ARID1B: variants seen among roughly 807,000 people sequenced by gnomAD.
The protein encoded by ARID1B is AT-rich interactive domain-containing protein 1B.
In ARID1B, 30 loss-of-function variants were observed where a neutral mutation model predicts 212.3. The observed-to-expected ratio is 0.14, with a 90% CI of 0.11 to 0.19. ARID1B has a LOEUF of 0.19. Among genes scored for constraint, ARID1B ranks in the 10% least tolerant of loss-of-function variants. The pLI is 1.00. For missense variants in ARID1B, 2,891 were observed against 3,204.0 expected (o/e 0.90, Z 2.36); for synonymous variants, 1,402 against 1,301.7 (o/e 1.08, Z -1.66).
At chr6:156,879,125 A>G (rs1786831247) in intron 2 of ARID1B, among the ~76,000 whole-genome samples, 1 of 152,230 alleles carries the variant, frequency 6.6e-6, no homozygotes, top group African/African-American at 2.4e-5. Flanking sequence ...GCAAGGGGCC[A>G]GGGAGGAGTG....
chr6:156,842,290 C>G (rs1469364659), intron 2 of ARID1B, among the ~76,000 whole-genome samples: 1 of 152,210 alleles, frequency 6.6e-6, no homozygotes, highest in Non-Finnish European at 1.5e-5. Context: ...CCTCTTCCCC[C>G]CAGGCAACTG....
At chr6:157,010,744 T>G (rs1447900087) in intron 4 of ARID1B, among the ~76,000 whole-genome samples, 1 of 152,146 alleles carries the variant, frequency 6.6e-6, no homozygotes, top group Non-Finnish European at 1.5e-5. Context: ...AAATTGAAAT[T>G]TTGCATGTGT....
chr6:156,960,081 C>T (rs572144381), intron 4 of ARID1B, among the ~76,000 whole-genome samples: 1 of 152,188 alleles, frequency 6.6e-6, no homozygotes, highest in East Asian at 1.9e-4. Context: ...CAGGCACGCA[C>T]CACCATGCCC....
rs2128633851 is a variant in ARID1B, at chr6:157,148,596, C to G, written c.2762-28C>G. Reference sequence around the variant, plus strand: ...TGTTGTCACAAGTTTAAATAAAAGGCTTTACTTTGTGTTTGCTTTTTGTTT... The same window carrying G: ...TGTTGTCACAAGTTTAAATAAAAGGGTTTACTTTGTGTTTGCTTTTTGTTT... On this transcript the variant is annotated intron_variant, in intron 7 of 19. Coordinates refer to ENST00000636930, the MANE Select transcript of ARID1B (RefSeq NM_001374828.1). This position sits in a 1 kb window ranked among gnomAD's most constrained non-coding sequence, Gnocchi z 5.6. The G allele has an allele frequency of 6.4e-7, 1 of 1,568,268 alleles. No homozygotes were observed. The highest frequency in any genetic ancestry group is 8.7e-7 in the Non-Finnish European group (1 of 1,151,042).
intron 4 of ARID1B, among the ~76,000 whole-genome samples, chr6:157,013,402 G>A (rs1210140604): frequency 6.6e-6 from 1 of 152,208 alleles, no homozygotes; most frequent in African/African-American, 2.4e-5. Context: ...TGGAGTGATG[G>A]CAGGAAAAGA....
intron 1 of ARID1B, among the ~76,000 whole-genome samples, chr6:156,808,479 T>C (rs1300388879): frequency 2.6e-5 from 4 of 152,214 alleles, no homozygotes; most frequent in Non-Finnish European, 5.9e-5. Context: ...CCAGCCTACA[T>C]TGACCGTGAA....
intron 11 of ARID1B, among the ~76,000 whole-genome samples, chr6:157,179,934 A>C (rs1016175003): frequency 2.0e-5 from 3 of 152,230 alleles, no homozygotes; most frequent in Non-Finnish European, 2.9e-5. Context: ...AAGGAAAAAA[A>C]ACTTAAGAAT....
intron 4 of ARID1B, among the ~76,000 whole-genome samples, chr6:156,953,087 G>A (rs982956852): frequency 3.3e-5 from 5 of 152,190 alleles, no homozygotes; most frequent in African/African-American, 1.2e-4. Context: ...TCAGCTTTAT[G>A]CACTTATTAT....
intron 4 of ARID1B, among the ~76,000 whole-genome samples, chr6:157,080,213 A>G (rs1352998219): frequency 6.6e-6 from 1 of 152,220 alleles, no homozygotes; most frequent in Non-Finnish European, 1.5e-5. Context: ...AGCTAATTGT[A>G]TTGAGAACCA....
rs560647653 is a variant in ARID1B, at chr6:157,076,125, A to G, written c.2248-8537A>G. 3.0e-4 allele frequency among the ~76,000 whole-genome samples: 45 copies of G among 152,322 alleles called. 1 individual carries two copies. Among genetic ancestry groups the G allele is most frequent in the African/African-American group, 9.4e-4 (39 of 41,564 alleles). On this transcript the variant is annotated intron_variant, in intron 4 of 19. Transcript: ENST00000636930. ...TCAGTCTGAAGTCATTTCAAAATTG[A>G]AAGTTAAAAAGTTCAGTGAAGGATG...
chr6:156,964,630 T>C (rs9480416), intron 4 of ARID1B, among the ~76,000 whole-genome samples: 29,647 of 152,228 alleles, frequency 0.19, 3,185 homozygotes, highest in East Asian at 0.41. Flanking sequence ...TTTGGAATCA[T>C]TGATTTTACA....
At chr6:157,114,816 C>G (rs766233924) in intron 6 of ARID1B, among the ~76,000 whole-genome samples, 1 of 152,102 alleles carries the variant, frequency 6.6e-6, no homozygotes, top group African/African-American at 2.4e-5. Context: ...GATGATGCAA[C>G]CTACTTCTCT....
intron 2 of ARID1B, among the ~76,000 whole-genome samples, chr6:156,893,460 T>C (rs946663603): frequency 3.3e-5 from 5 of 152,162 alleles, no homozygotes; most frequent in Non-Finnish European, 5.9e-5. Context: ...TTAAAAACTT[T>C]TGAGCATCAA....
intron 13 of ARID1B, among the ~76,000 whole-genome samples, chr6:157,186,786 G>T (rs1169938375): frequency 6.6e-6 from 1 of 152,148 alleles, no homozygotes; most frequent in Non-Finnish European, 1.5e-5. Context: ...AAACATTTTA[G>T]ATTTTTTTTC....
chr6:156,891,542 C>A (rs1377955320), intron 2 of ARID1B, among the ~76,000 whole-genome samples: 4 of 152,040 alleles, frequency 2.6e-5, no homozygotes, highest in Non-Finnish European at 5.9e-5. Flanking sequence ...ATTCTTTATA[C>A]CTATACCACA....
rs926044618 is a variant in ARID1B, at chr6:157,207,968, T to G, written c.*77T>G. 2.9e-6 allele frequency: 4 copies of G among 1,389,944 alleles called. No homozygotes were observed. The African/African-American group carries it at 5.7e-5, about 20-fold the overall frequency. The allele number at this position is 1,389,944 out of a possible 1,614,324, so 86.1% of individuals were successfully genotyped here. ...ACTGGCTGTTTTCTGTTCTTGTTTA[T>G]CCAGCGTAGGAAGAAGGAAAAGAAA... On this transcript the variant is annotated 3_prime_UTR_variant, in exon 20 of 20. Coordinates refer to ENST00000636930, the MANE Select transcript of ARID1B (RefSeq NM_001374828.1). This position sits in a 1 kb window ranked among gnomAD's most constrained non-coding sequence, Gnocchi z 8.5.
chr6:156,916,355 A>G (rs1211036374), intron 3 of ARID1B, among the ~76,000 whole-genome samples: 1 of 152,210 alleles, frequency 6.6e-6, no homozygotes, highest in Non-Finnish European at 1.5e-5. Flanking sequence ...TGTTGTAGAT[A>G]GAGGATAACT....
rs150747049 is a variant in ARID1B at position 157,107,295 on chromosome 6, G to A, written c.2492-3177G>A. Among the ~76,000 whole-genome samples the A allele has an allele frequency of 2.7e-4, 41 of 152,032 alleles. No individual in the cohort carries two copies. In the East Asian group the frequency reaches 6.6e-3, roughly 24 times the overall value. ...GATGATCCCAGAAAAAAGACATGACGCGGAAAAATGGGTGTAATTCAAATG... is the reference window on the plus strand; with the variant it reads ...GATGATCCCAGAAAAAAGACATGACACGGAAAAATGGGTGTAATTCAAATG... On this transcript the variant is annotated intron_variant, in intron 5 of 19. Transcript: ENST00000636930.
At chr6:157,161,431 G>GTATATATATATATATATATATATA (rs199731974) in intron 8 of ARID1B, among the ~76,000 whole-genome samples, 53 of 139,384 alleles carry the variant, frequency 3.8e-4, no homozygotes, top group African/African-American at 6.7e-4. Context: ...TTGTGTGTGT[G>GTATATATATATATATATATATATA]TATATATATA....
Sources: allele counts gnomAD v4.1 joint callset (sites outside exome capture counted in the v4.1 genomes callset), GRCh38; gene constraint gnomAD v4.1.1; non-coding constraint Gnocchi (gnomAD v3.1); transcripts MANE v1.5; gene names NCBI Gene and HGNC (gene_info 2026-07-23, HGNC 2026-07-21).